The following MACROD2 variants were observed in gnomAD, a reference collection of about 807,000 sequenced individuals.
MACROD2 encodes mono-ADP ribosylhydrolase 2.
MACROD2 carries 36 observed loss-of-function variants against 70.4 expected under a neutral mutation model. The observed-to-expected ratio is 0.51, with a 90% CI of 0.39 to 0.68. MACROD2 has a LOEUF of 0.68. Among genes scored for constraint, MACROD2 ranks in the 30% least tolerant of loss-of-function variants. The probability of loss-of-function intolerance (pLI) is 0.00; values close to 1 mark genes in which losing one functional copy is unlikely to be tolerated. For synonymous variants in MACROD2, 172 were observed against 178.8 expected (o/e 0.96, Z 0.30); for missense variants, 496 against 538.4 (o/e 0.92, Z 0.78).
At chr20:14,882,628 A>G (rs894784854) in intron 5 of MACROD2, among the ~76,000 whole-genome samples, 1 of 152,150 alleles carries the variant, frequency 6.6e-6, no homozygotes, top group African/African-American at 2.4e-5. Context: ...TAGTTTAAAG[A>G]TGGAAAACCA....
chr20:14,994,413 G>T (rs751015858), intron 5 of MACROD2, among the ~76,000 whole-genome samples: 1 of 151,830 alleles, frequency 6.6e-6, no homozygotes, highest in Non-Finnish European at 1.5e-5. Flanking sequence ...CCCACCACCT[G>T]TTCTCCCGGG....
intron 3 of MACROD2, among the ~76,000 whole-genome samples, chr20:14,388,245 T>C (rs6042706): frequency 0.85 from 128,304 of 151,606 alleles, 55,343 homozygotes; most frequent in Non-Finnish European, 0.93. Flanking sequence ...ATCTCCTGAC[T>C]TCGTGATCCA....
At chr20:14,308,663 G>T (rs985926426) in intron 3 of MACROD2, among the ~76,000 whole-genome samples, 2 of 152,090 alleles carry the variant, frequency 1.3e-5, no homozygotes. Context: ...GGAAGTGGCC[G>T]TGTTTGTGTA....
chr20:14,198,316 G>A (rs192758340), intron 3 of MACROD2, among the ~76,000 whole-genome samples: 1 of 152,230 alleles, frequency 6.6e-6, no homozygotes, highest in East Asian at 1.9e-4. Context: ...CATTTTATAG[G>A]AGTAAACAAT....
At chr20:15,578,154 A>G (rs1316691347) in intron 8 of MACROD2, among the ~76,000 whole-genome samples, 1 of 152,214 alleles carries the variant, frequency 6.6e-6, no homozygotes, top group African/African-American at 2.4e-5. Context: ...CTGAGTTGCC[A>G]TGATAAGTTG....
At chr20:15,289,709 G>A (rs1433487609) in intron 6 of MACROD2, among the ~76,000 whole-genome samples, 1 of 152,152 alleles carries the variant, frequency 6.6e-6, no homozygotes, top group Admixed American at 6.5e-5. Flanking sequence ...TATCAAATGT[G>A]TACACTAAAA....
intron 5 of MACROD2, among the ~76,000 whole-genome samples, chr20:15,169,704 T>C (rs771538329): frequency 4.6e-5 from 7 of 152,240 alleles, no homozygotes; most frequent in Non-Finnish European, 1.0e-4. Flanking sequence ...TCTGTCTTTT[T>C]ATTGCTATGC....
At chr20:14,697,116 G>A (rs1177122325) in intron 5 of MACROD2, among the ~76,000 whole-genome samples, 1 of 152,172 alleles carries the variant, frequency 6.6e-6, no homozygotes, top group East Asian at 1.9e-4. Context: ...CTGGGATGAA[G>A]GGCACTGGGG....
At chr20:15,258,154 A>C (rs2077216219) in intron 6 of MACROD2, among the ~76,000 whole-genome samples, 1 of 152,154 alleles carries the variant, frequency 6.6e-6, no homozygotes, top group African/African-American at 2.4e-5. Context: ...ATTTCCAAAA[A>C]GTCAAAACGT....
chr20:14,575,163 T>C (rs1730178680), intron 4 of MACROD2, among the ~76,000 whole-genome samples: 1 of 151,940 alleles, frequency 6.6e-6, no homozygotes, highest in South Asian at 2.1e-4. Context: ...ATTAAACTGA[T>C]AAAATTTAAA....
At chr20:15,815,889 A>C (rs1195981162) in intron 8 of MACROD2, among the ~76,000 whole-genome samples, 1 of 152,274 alleles carries the variant, frequency 6.6e-6, no homozygotes. Flanking sequence ...CAAAACTTTT[A>C]AATCTTAAGT....
intron 5 of MACROD2, among the ~76,000 whole-genome samples, chr20:14,859,899 T>G (rs2073296286): frequency 1.3e-5 from 2 of 152,064 alleles, no homozygotes; most frequent in African/African-American, 4.8e-5. Context: ...ACAGGGGTCT[T>G]TGGAGGTCAC....
intron 10 of MACROD2, among the ~76,000 whole-genome samples, chr20:15,911,269 G>A (rs533272123): frequency 2.0e-5 from 3 of 152,274 alleles, no homozygotes; most frequent in East Asian, 3.9e-4. Context: ...TTCCCCAGAG[G>A]AAAACAGGGG....
At chr20:15,233,967 T>TTA (rs1388770817) in intron 6 of MACROD2, among the ~76,000 whole-genome samples, 9 of 48,606 alleles carry the variant, frequency 1.9e-4, no homozygotes, top group African/African-American at 2.5e-4. Flanking sequence ...AAAAATTTAT[T>TTA]TTTATATATA....
At chr20:16,028,185 C>T (rs1601346484) in intron 15 of MACROD2, among the ~76,000 whole-genome samples, 1 of 152,310 alleles carries the variant, frequency 6.6e-6, no homozygotes. Context: ...GATTTTTCTT[C>T]ATCCTCACAA....
At chr20:14,993,464 T>A (rs1410642939) in intron 5 of MACROD2, among the ~76,000 whole-genome samples, 3 of 152,096 alleles carry the variant, frequency 2.0e-5, no homozygotes, top group Non-Finnish European at 4.4e-5. Context: ...CCATTTTCTG[T>A]GTGTCTTTAT....
intron 3 of MACROD2, among the ~76,000 whole-genome samples, chr20:14,183,795 G>A (rs6079339): frequency 0.95 from 144,581 of 152,284 alleles, 68,655 homozygotes; most frequent in East Asian, 0.99. Flanking sequence ...TCAGTGATGT[G>A]GAGCTTTTTT....
At chr20:15,781,405 A>G (rs942804832) in intron 8 of MACROD2, among the ~76,000 whole-genome samples, 1 of 152,126 alleles carries the variant, frequency 6.6e-6, no homozygotes, top group South Asian at 2.1e-4. Context: ...TGCTGTTATA[A>G]CAAAATACCA....
At chr20:15,729,224 A>G (rs922951914) in intron 8 of MACROD2, among the ~76,000 whole-genome samples, 13 of 152,038 alleles carry the variant, frequency 8.6e-5, no homozygotes, top group Admixed American at 4.6e-4. Context: ...ATTGATTTCT[A>G]TTTTTATTGT....
Sources: gnomAD v4.1 joint callset for allele counts (sites outside exome capture counted in the v4.1 genomes callset) on GRCh38, gnomAD v4.1.1 for gene constraint, MANE v1.5 for transcripts, NCBI Gene and HGNC (gene_info 2026-07-23, HGNC 2026-07-21) for gene names.